Variants in SOS1 observed in about 807,000 individuals in gnomAD.
The protein encoded by SOS1 is son of sevenless homolog 1.
In SOS1, 25 loss-of-function variants were observed where a neutral mutation model predicts 157.6. The ratio of observed to expected loss-of-function variants is 0.16; its 90% CI spans 0.12 to 0.22. SOS1 has a LOEUF of 0.22. Ranked by LOEUF, SOS1 falls within the 10% of genes least tolerant of loss-of-function variation. The pLI is 1.00. For missense variants in SOS1, 1,237 were observed against 1,599.1 expected (o/e 0.77, Z 3.86); for synonymous variants, 528 against 534.0 (o/e 0.99, Z 0.16).
chr2:39,087,796 G>A (rs1172335391), intron 1 of SOS1, among the ~76,000 whole-genome samples: 3 of 151,964 alleles, frequency 2.0e-5, no homozygotes, highest in African/African-American at 7.3e-5. Context: ...CTCCCACCTC[G>A]GCCTCTAGCG....
Position 39,077,692 on chromosome 2 carries a change from A to G in SOS1, c.88-9939T>C, listed in dbSNP as rs182682036. The stretch of plus-strand genomic sequence containing the variant: ...TATACAGATCTTGTATGAAAATAAT[A>G]TAAAACAAGAGCCAGTAGTATAGAT... On this transcript the variant is annotated intron_variant, in intron 1 of 22. Transcript: ENST00000402219. Among the ~76,000 whole-genome samples the G allele has an allele frequency of 1.3e-5, 2 of 152,368 alleles. 1 individual carries two copies. The highest frequency in any genetic ancestry group is 3.9e-4 in the East Asian group (2 of 5,188).
intron 6 of SOS1, among the ~76,000 whole-genome samples, chr2:39,037,875 GT>G (rs1427112308): frequency 2.6e-5 from 4 of 151,596 alleles, no homozygotes; most frequent in Non-Finnish European, 5.9e-5. Context: ...TTACAACATG[GT>G]TTACTGAATA....
At chr2:38,992,181 C>CTGTT (rs1668755555) in intron 20 of SOS1, 1 of 152,150 alleles carries the variant, frequency 6.6e-6, no homozygotes, top group African/African-American at 2.4e-5. Flanking sequence ...ACTCGCACAT[C>CTGTT]TGTTAGTTAG....
chr2:38,994,122 G>C (rs934245448), intron 20 of SOS1, among the ~76,000 whole-genome samples: 2 of 152,080 alleles, frequency 1.3e-5, no homozygotes, highest in African/African-American at 4.8e-5. Context: ...ATGCACGCTG[G>C]ATTTTAAAGA....
upstream of SOS1, among the ~76,000 whole-genome samples, chr2:39,123,581 C>T (rs1366990051): frequency 2.0e-5 from 3 of 151,704 alleles, no homozygotes; most frequent in Non-Finnish European, 4.4e-5. Flanking sequence ...TGGTCTCGAA[C>T]TCCTGACCTC....
intron 1 of SOS1, among the ~76,000 whole-genome samples, chr2:39,079,481 G>C (rs1464585663): frequency 7.1e-6 from 1 of 140,344 alleles, no homozygotes; most frequent in African/African-American, 2.6e-5. Context: ...CTTTAAAAGT[G>C]TTCGAATTTT....
chr2:39,089,650 A>G (rs1409899275), intron 1 of SOS1, among the ~76,000 whole-genome samples: 1 of 152,094 alleles, frequency 6.6e-6, no homozygotes, highest in Admixed American at 6.6e-5. Flanking sequence ...ATAACCCAAA[A>G]AGTAAAATAA....
intron 10 of SOS1, among the ~76,000 whole-genome samples, chr2:39,016,426 A>C (rs1475698032): frequency 6.6e-6 from 1 of 152,122 alleles, no homozygotes; most frequent in African/African-American, 2.4e-5. Flanking sequence ...TCAAAAGTTA[A>C]AGACTAATGT....
In SOS1 at chr2:39,023,236, GAA is replaced by G; in HGVS notation, c.1203-13_1203-12del. ...CGACATGCAGATTCACTGGAATAAA[GAA>G]AAAGACATTATTAGTACATAGATGA... On this transcript the variant is annotated splice_polypyrimidine_tract_variant and intron_variant, in intron 9 of 22. Transcript: ENST00000402219. The G allele has an allele frequency of 1.2e-6, 2 of 1,605,082 alleles. No individual in the cohort carries two copies. Among genetic ancestry groups the G allele is most frequent in the Non-Finnish European group, 1.7e-6 (2 of 1,172,978 alleles).
At chr2:39,012,719 G>A (rs755907590) in intron 13 of SOS1, among the ~76,000 whole-genome samples, 1 of 151,986 alleles carries the variant, frequency 6.6e-6, no homozygotes, top group Non-Finnish European at 1.5e-5. Flanking sequence ...GATTTATAAG[G>A]ATAGATTATA....
intron 1 of SOS1, among the ~76,000 whole-genome samples, chr2:39,073,299 G>A (rs13400516): frequency 0.011 from 1,712 of 152,142 alleles, 23 homozygotes; most frequent in Non-Finnish European, 0.017. Flanking sequence ...GGGTTTTCCC[G>A]GTTTTGCCAT....
intron 6 of SOS1, among the ~76,000 whole-genome samples, chr2:39,046,419 A>C (rs1215484375): frequency 6.6e-6 from 1 of 152,122 alleles, no homozygotes; most frequent in Non-Finnish European, 1.5e-5. Flanking sequence ...CTTATTTTTA[A>C]AACTATTCAG....
At chr2:39,103,073 C>T (rs1572894263) in intron 1 of SOS1, among the ~76,000 whole-genome samples, 1 of 151,928 alleles carries the variant, frequency 6.6e-6, no homozygotes, top group East Asian at 1.9e-4. Context: ...AGAACAATAA[C>T]ATCTAAAAGA....
intron 5 of SOS1, among the ~76,000 whole-genome samples, chr2:39,052,318 G>C (rs1671046128): frequency 1.3e-5 from 2 of 152,036 alleles, no homozygotes; most frequent in African/African-American, 4.8e-5. Flanking sequence ...AGTTGACTTT[G>C]AGGCATAGTT....
At chr2:39,049,129 G>T (rs758990691) in intron 6 of SOS1, among the ~76,000 whole-genome samples, 1 of 152,126 alleles carries the variant, frequency 6.6e-6, no homozygotes, top group South Asian at 2.1e-4. Flanking sequence ...TATTGGCCAG[G>T]CTGGTCTTGA....
At chr2:39,063,818 T>C (rs997424802) in intron 2 of SOS1, among the ~76,000 whole-genome samples, 2 of 152,170 alleles carry the variant, frequency 1.3e-5, no homozygotes, top group African/African-American at 4.8e-5. Flanking sequence ...AAGTGTATTC[T>C]TTAAACATTT....
At chr2:38,991,553 A>G (rs1177148896) in intron 20 of SOS1, among the ~76,000 whole-genome samples, 2 of 152,210 alleles carry the variant, frequency 1.3e-5, no homozygotes, top group Non-Finnish European at 2.9e-5. Context: ...TTTCTCAGCA[A>G]CTGTCGTCAT....
rs1317293622 is a variant in SOS1 at position 38,984,396 on chromosome 2, C to G, written c.*1428G>C. 6.6e-6 allele frequency: 1 copy of G among 152,138 alleles called. No homozygotes were observed. Among genetic ancestry groups the G allele is most frequent in the Admixed American group, 6.6e-5 (1 of 15,258 alleles). The allele number at this position is 152,138 out of a possible 1,614,324, so 9.4% of individuals were successfully genotyped here. A position where few individuals can be genotyped will look rare whatever the true frequency, so the allele number is the denominator to read the frequency against. On this transcript the variant is annotated 3_prime_UTR_variant, in exon 23 of 23. Transcript: ENST00000402219. ...GATAGTAATGATGCAGGTAGATGTT[C>G]TATTATGAATAGTTTTGATAAAGCA...
Position 39,120,403 on chromosome 2 carries a change from G to C in SOS1, c.20C>G (p.Pro7Arg). ...GTTCTCTTCGCTGAAAAACTCGTAG[G>C]GCAGCTGCTGCGCCTGCATGGTGCC... is the stretch of plus-strand genomic sequence containing the variant. Reference protein sequence around the residue: MQAQQLPYEFFSEENAP... With the variant: MQAQQLRYEFFSEENAP... The change falls in exon 1 of 23, where the codon CCC (proline) becomes CGC (arginine). Residue 7 changes from proline to arginine, a missense_variant. Physicochemically the swap from Pro to Arg is moderately radical, Grantham distance 103. This residue lies in a region of SOS1 where 99 missense variants were observed against 81.6 expected (regional missense o/e 1.21). Coordinates refer to ENST00000402219, the MANE Select transcript of SOS1 (RefSeq NM_005633.4). 1.9e-6 allele frequency: 3 copies of C among 1,597,834 alleles called. No homozygotes were observed. Among genetic ancestry groups the C allele is most frequent in the Middle Eastern group, 1.9e-4 (1 of 5,372 alleles).
Sources: gnomAD v4.1 joint callset for allele counts (sites outside exome capture counted in the v4.1 genomes callset) on GRCh38, gnomAD v4.1.1 for gene constraint, gnomAD v4.1.1 regional missense constraint, MANE v1.5 for transcripts, NCBI Gene and HGNC (gene_info 2026-07-23, HGNC 2026-07-21) for gene names.